CYP2R1: variants seen among roughly 807,000 people sequenced by gnomAD.
CYP2R1 encodes vitamin D 25-hydroxylase.
CYP2R1 carries 40 observed loss-of-function variants against 45.7 expected under a neutral mutation model. The observed-to-expected ratio is 0.87, with a 90% CI of 0.68 to 1.14. The LOEUF (loss-of-function observed/expected upper bound fraction) is 1.14. Ranked by LOEUF, CYP2R1 falls within the 50% of genes most tolerant of loss-of-function variation. The pLI, the probability that CYP2R1 is intolerant of heterozygous loss-of-function variation, is 0.00. For synonymous variants in CYP2R1, 234 were observed against 219.3 expected (o/e 1.07, Z -0.59); for missense variants, 605 against 602.6 (o/e 1.00, Z -0.04).
chr11:14,888,771 G>A (rs1848714464), intron 1 of CYP2R1, among the ~76,000 whole-genome samples: 1 of 152,134 alleles, frequency 6.6e-6, no homozygotes, highest in Admixed American at 6.5e-5. Context: ...TCAGTGCTGT[G>A]CATAAAGTTC....
intron 3 of CYP2R1, 108 bp downstream of exon 3, chr11:14,880,028 C>T (rs1848314391): frequency 3.8e-6 from 4 of 1,046,158 alleles, no homozygotes; most frequent in Admixed American, 2.4e-5. Flanking sequence ...ACTTGGCTGG[C>T]ATCGCAGGAG....
rs201942831 is a variant in CYP2R1 at position 14,883,802 on chromosome 11, A to G, written c.367+1974T>C. 8.9e-4 allele frequency among the ~76,000 whole-genome samples: 136 copies of G among 152,330 alleles called. 3 individuals are homozygous for G. The East Asian group carries it at 0.024, about 27-fold the overall frequency. ...CCTACTCATCTGACAAAGGGCTAAT[A>G]TCCAGAGTCTACAATGAACTCAAAC... is the stretch of plus-strand genomic sequence containing the variant. On this transcript the variant is annotated intron_variant, in intron 2 of 4. Coordinates refer to ENST00000334636, the MANE Select transcript of CYP2R1 (RefSeq NM_024514.5).
chr11:14,888,334 T>C (rs1848697171), intron 1 of CYP2R1, among the ~76,000 whole-genome samples: 3 of 152,230 alleles, frequency 2.0e-5, no homozygotes, highest in African/African-American at 7.2e-5. Flanking sequence ...ACAATAGAAA[T>C]ATATGTTGAA....
At chr11:14,887,578 A>G in intron 1 of CYP2R1, 1 of 984,620 alleles carries the variant, frequency 1.0e-6, no homozygotes, top group South Asian at 4.7e-5. Flanking sequence ...TTATGGGCTA[A>G]TTATAATGCT....
rs782078269 is a variant in CYP2R1, at chr11:14,880,256, T to C, written c.880A>G (p.Thr294Ala). 11 of 1,613,108 alleles carry C rather than the reference T, an allele frequency of 6.8e-6. No homozygotes were observed. The South Asian group carries it at 1.2e-4, about 18-fold the overall frequency. ...MDQGKNDPSS[T>A]FSKENLIFSV... ...AAAATTAGGTTTTCTTTGGAGAAAG[T>C]AGATGATGGGTCATTTTTACCTTGA... Residue 294 changes from threonine (T) to alanine (A), a missense_variant, in exon 3 of 5, where the codon ACT (threonine) becomes GCT (alanine). By Grantham distance (58) the Thr-to-Ala change is moderately conservative. Transcript: ENST00000334636.
At chr11:14,890,583 G>C in intron 1 of CYP2R1, 2 of 263,336 alleles carry the variant, frequency 7.6e-6, no homozygotes, top group Non-Finnish European at 9.9e-6. Context: ...GTCTGGCTCT[G>C]TTGCCCAGGC....
chr11:14,878,818 CAGTTTCTCA>C (rs1259733417), intron 4 of CYP2R1, among the ~76,000 whole-genome samples: 5 of 152,126 alleles, frequency 3.3e-5, no homozygotes, highest in African/African-American at 1.2e-4. Flanking sequence ...CTCTGGGTCT[CAGTTTCTCA>C]AGCTACCTGT....
Position 14,878,216 on chromosome 11 carries a change from A to G in CYP2R1, c.1412T>C (p.Leu471Ser), listed in dbSNP as rs782336661. The G allele has an allele frequency of 6.2e-7, 1 of 1,613,314 alleles. No homozygotes were observed. The highest frequency in any genetic ancestry group is 1.7e-5 in the Admixed American group (1 of 59,864). The change falls in exon 5 of 5, where the codon TTG becomes TCG. Residue 471 changes from leucine (L) to serine (S), a missense_variant. By Grantham distance (145) the Leu-to-Ser change is moderately radical. Transcript: ENST00000334636. The part of the protein sequence containing the change: ...FFTALLQRFH[L>S]HFPHELVPDL... ...TGGAACTAGTTCATGTGGAAAATGCAAATGAAACCTCTGAAGCAATGCTGT... is the reference window on the plus strand; with the variant it reads ...TGGAACTAGTTCATGTGGAAAATGCGAATGAAACCTCTGAAGCAATGCTGT...
Position 14,878,280 on chromosome 11 carries a change from C to T in CYP2R1, c.1348G>A (p.Gly450Arg). The T allele has an allele frequency of 6.2e-7, 1 of 1,612,934 alleles. No individual in the cohort carries two copies. Among genetic ancestry groups the T allele is most frequent in the Non-Finnish European group, 8.5e-7 (1 of 1,179,310 alleles). Residue 450 changes from glycine (G) to arginine (R), a missense_variant, in exon 5 of 5, where the codon GGA (glycine) becomes AGA (arginine). Gly to Arg is a moderately radical substitution (Grantham distance 125). Coordinates refer to ENST00000334636, the MANE Select transcript of CYP2R1 (RefSeq NM_024514.5). ...ATTTCCATCCGAGCCAAGTGTTCTC[C>T]AAGACAATGTCTTCTTCCTAAACAG... The part of the protein sequence containing the change: ...PFSLGRRHCL[G>R]EHLARMEMFL...
At chr11:14,889,117 C>T (rs890436619) in intron 1 of CYP2R1, among the ~76,000 whole-genome samples, 5 of 150,194 alleles carry the variant, frequency 3.3e-5, no homozygotes, top group South Asian at 2.1e-4. Context: ...AACACAAAGG[C>T]GGGTGTCACT....
chr11:14,890,119 A>C (rs1555016126), intron 1 of CYP2R1, among the ~76,000 whole-genome samples: 1 of 152,032 alleles, frequency 6.6e-6, no homozygotes, highest in African/African-American at 2.4e-5. Flanking sequence ...ACAGAGCAAG[A>C]CTCGTCTCAA....
rs557603109 is a variant in CYP2R1 at position 14,892,186 on chromosome 11, G to A, written c.20C>T (p.Ala7Val). The change falls in exon 1 of 5, where the codon GCT becomes GTT. Residue 7 changes from alanine to valine, a missense_variant. By Grantham distance (64) the Ala-to-Val change is moderately conservative (BLOSUM62 0). Coordinates refer to ENST00000334636, the MANE Select transcript of CYP2R1 (RefSeq NM_024514.5). MWKLWR[A>V]EEGAAALGGA... ...GCCGAGCGCCGCCGCGCCCTCTTCA[G>A]CTCTCCAAAGCTTCCACATCGGCCC... The A allele has an allele frequency of 8.1e-6, 13 of 1,610,454 alleles. No homozygotes were observed. Among genetic ancestry groups the A allele is most frequent in the South Asian group, 5.5e-5 (5 of 90,974 alleles).
chr11:14,879,519 A>C, intron 3 of CYP2R1, 76 bp from the exon 4 acceptor site: 1 of 1,232,240 alleles, frequency 8.1e-7, no homozygotes, highest in Admixed American at 2.0e-5. Flanking sequence ...CTGGAATAAA[A>C]TAAAGGATAA....
chr11:14,878,020 G>T lies in CYP2R1; in HGVS notation c.*102C>A. The T allele has an allele frequency of 7.8e-7, 1 of 1,284,708 alleles. No homozygotes were observed. Among genetic ancestry groups the T allele is most frequent in the Non-Finnish European group, 1.1e-6 (1 of 908,578 alleles). The allele number at this position is 1,284,708 out of a possible 1,614,324, so 79.6% of individuals were successfully genotyped here. A position where few individuals can be genotyped will look rare whatever the true frequency, so the allele number is the denominator to read the frequency against. On this transcript the variant is annotated 3_prime_UTR_variant, in exon 5 of 5. Coordinates refer to ENST00000334636, the MANE Select transcript of CYP2R1 (RefSeq NM_024514.5). ...CACATCTGTGTTCATTTGGCTTTTT[G>T]ATGCTGTGACTTTTATTCTAATACA... is the stretch of plus-strand genomic sequence containing the variant.
At chr11:14,887,647 G>A in intron 1 of CYP2R1, 2 of 985,168 alleles carry the variant, frequency 2.0e-6, no homozygotes, top group Non-Finnish European at 2.4e-6. Context: ...ATCACTCCAT[G>A]ATCTTCAAGT....
At position 14,885,807 on chromosome 11, in the gene CYP2R1, A is replaced by C. The variant is rs1848594197; in HGVS notation, c.336T>G (p.Leu112=). 1.2e-6 allele frequency: 2 copies of C among 1,613,276 alleles called. No homozygotes were observed. Among genetic ancestry groups the C allele is most frequent in the Non-Finnish European group, 1.7e-6 (2 of 1,179,782 alleles). ...QSEIFADRPC[L]PLFMKMTKMG... ...TTTTTGTCATCTTCATGAATAAAGG[A>C]AGGCATGGTCTGTCTGCAAAAATTT... Residue 112 remains leucine (L), a synonymous_variant, in exon 2 of 5, where the codon CTT becomes CTG. Transcript: ENST00000334636.
chr11:14,892,404 G>A (rs782380208), upstream of CYP2R1, among the ~76,000 whole-genome samples: 4 of 152,208 alleles, frequency 2.6e-5, no homozygotes, highest in Non-Finnish European at 5.9e-5. Context: ...TTTGCGGAGC[G>A]GGTGGCCGGT....
intron 1 of CYP2R1, among the ~76,000 whole-genome samples, chr11:14,888,523 T>C (rs185296927): frequency 1.0e-3 from 152 of 152,354 alleles, no homozygotes; most frequent in Admixed American, 3.5e-3. Context: ...ACTGCCATAC[T>C]ACCCTAACCA....
intron 3 of CYP2R1, 57 bp from the exon 4 acceptor site, chr11:14,879,500 T>C (rs905550955): frequency 3.7e-6 from 5 of 1,344,270 alleles, no homozygotes; most frequent in Non-Finnish European, 5.2e-6. Context: ...TACCTAAAGT[T>C]ATTTCCCTCT....
Sources: allele counts gnomAD v4.1 joint callset (sites outside exome capture counted in the v4.1 genomes callset), GRCh38; gene constraint gnomAD v4.1.1; transcripts MANE v1.5; gene names NCBI Gene and HGNC (gene_info 2026-07-23, HGNC 2026-07-21).